Variants in DTNA observed in about 807,000 individuals in gnomAD.
DTNA encodes dystrophin-related protein 3.
In DTNA, 43 loss-of-function variants were observed where a neutral mutation model predicts 100.7. The observed-to-expected ratio is 0.43, with a 90% CI of 0.33 to 0.55. The LOEUF is 0.55. Ranked by LOEUF, DTNA falls within the 20% of genes least tolerant of loss-of-function variation. The pLI, the probability that DTNA is intolerant of heterozygous loss-of-function variation, is 0.04. For missense variants in DTNA, 798 were observed against 953.9 expected (o/e 0.84, Z 2.15); for synonymous variants, 349 against 347.9 (o/e 1.00, Z -0.04).
At chr18:34,693,123 A>G (rs2145909951) in intron 1 of DTNA, among the ~76,000 whole-genome samples, 1 of 152,354 alleles carries the variant, frequency 6.6e-6, no homozygotes, top group East Asian at 1.9e-4. Flanking sequence ...GTGAAAAATC[A>G]TAAGATGCAT....
chr18:34,797,312 A>G (rs1227345606), intron 4 of DTNA, among the ~76,000 whole-genome samples: 1 of 152,134 alleles, frequency 6.6e-6, no homozygotes, highest in Non-Finnish European at 1.5e-5. Context: ...AGTGGAATGG[A>G]TGAGTGTGCC....
At chr18:34,553,072 A>G (rs2045625187) in intron 1 of DTNA, among the ~76,000 whole-genome samples, 1 of 150,502 alleles carries the variant, frequency 6.6e-6, no homozygotes, top group Non-Finnish European at 1.5e-5. Context: ...TTGCCATTCT[A>G]ACTGGTGTGA....
intron 1 of DTNA, among the ~76,000 whole-genome samples, chr18:34,667,742 G>C (rs1009442117): frequency 6.6e-6 from 1 of 152,188 alleles, no homozygotes; most frequent in Non-Finnish European, 1.5e-5. Context: ...ATTTGCGTAT[G>C]TTGAACCAGC....
chr18:34,818,439 C>A, intron 8 of DTNA, 109 bp downstream of exon 8: 1 of 1,545,948 alleles, frequency 6.5e-7, no homozygotes, highest in Non-Finnish European at 8.7e-7. Context: ...TACCTTCCAT[C>A]CCAGGTCTAG....
chr18:34,684,685 AT>A (rs1600160043), intron 1 of DTNA, among the ~76,000 whole-genome samples: 1 of 152,120 alleles, frequency 6.6e-6, no homozygotes, highest in Non-Finnish European at 1.5e-5. Context: ...GCTAGGTCAA[AT>A]GGTATTTCTG....
chr18:34,674,332 G>A (rs1326587994), intron 1 of DTNA, among the ~76,000 whole-genome samples: 1 of 152,200 alleles, frequency 6.6e-6, no homozygotes, highest in Non-Finnish European at 1.5e-5. Flanking sequence ...TTAATAGGAA[G>A]TAAAGACATC....
chr18:34,592,496 A>G (rs1372968907), intron 1 of DTNA, among the ~76,000 whole-genome samples: 4 of 151,370 alleles, frequency 2.6e-5, no homozygotes, highest in Non-Finnish European at 4.4e-5. Flanking sequence ...ACACACACAC[A>G]CACACACACA....
At chr18:34,793,929 T>G in intron 3 of DTNA, 108 bp from the exon 4 acceptor site, 1 of 1,139,096 alleles carries the variant, frequency 8.8e-7, no homozygotes, top group South Asian at 1.3e-5. Context: ...CTGCAACAGC[T>G]GCACACATGT....
At chr18:34,878,840 T>C (rs1489446800) in intron 19 of DTNA, among the ~76,000 whole-genome samples, 1 of 152,192 alleles carries the variant, frequency 6.6e-6, no homozygotes, top group Non-Finnish European at 1.5e-5. Context: ...ACCAAGAGAT[T>C]TGTCTGGCAA....
chr18:34,826,302 A>C, intron 9 of DTNA, among the ~76,000 whole-genome samples: 1 of 152,040 alleles, frequency 6.6e-6, no homozygotes, highest in Non-Finnish European at 1.5e-5. Flanking sequence ...TTTAGTGGTG[A>C]TTTGTGAGAT....
intron 1 of DTNA, among the ~76,000 whole-genome samples, chr18:34,692,326 A>T (rs1387573063): frequency 6.6e-6 from 1 of 152,352 alleles, no homozygotes; most frequent in African/African-American, 2.4e-5. Flanking sequence ...ACGTTCCATG[A>T]ACATTATCTT....
chr18:34,508,804 TG>T (rs2040749719), intron 1 of DTNA, among the ~76,000 whole-genome samples: 1 of 152,320 alleles, frequency 6.6e-6, no homozygotes, highest in Non-Finnish European at 1.5e-5. Context: ...CACATTTTAC[TG>T]TGTATAATTT....
chr18:34,820,441 C>A (rs1326543874), intron 8 of DTNA, among the ~76,000 whole-genome samples: 1 of 152,186 alleles, frequency 6.6e-6, no homozygotes, highest in Non-Finnish European at 1.5e-5. Context: ...CTCCTGCTTT[C>A]CTCCCCAGAA....
At chr18:34,718,922 G>A (rs1454726515) in intron 1 of DTNA, among the ~76,000 whole-genome samples, 1 of 152,190 alleles carries the variant, frequency 6.6e-6, no homozygotes, top group East Asian at 1.9e-4. Context: ...TAAGAAAATA[G>A]AAGACTTTCT....
At chr18:34,708,572 C>T (rs1024598948), upstream of DTNA, among the ~76,000 whole-genome samples, 1 of 152,152 alleles carries the variant, frequency 6.6e-6, no homozygotes, top group Non-Finnish European at 1.5e-5. Context: ...ATCAGTTGCT[C>T]CTAGCTGGTT....
intron 21 of DTNA, 31 bp downstream of exon 21, chr18:34,882,232 C>A: frequency 6.2e-7 from 1 of 1,612,142 alleles, no homozygotes; most frequent in Non-Finnish European, 8.5e-7. Context: ...CCCACCCCAC[C>A]TCTTCTGCCT....
rs73412430 is a variant in DTNA, at chr18:34,621,958, T to C, written c.-2+128444T>C. On this transcript the variant is annotated intron_variant, in intron 1 of 19. Coordinates refer to the DTNA transcript ENST00000283365. ...TATTTGTCAAATAATAAAGACAAAG[T>C]TGAACTCATAGAAGCAGAGAGTAGG... 6.1e-3 allele frequency among the ~76,000 whole-genome samples: 924 copies of C among 152,176 alleles called. 13 individuals are homozygous for C. Among genetic ancestry groups the C allele is most frequent in the African/African-American group, 0.021 (877 of 41,526 alleles).
At position 34,496,401 on chromosome 18, in the gene DTNA, A is replaced by C. The variant is rs2039231338; in HGVS notation, c.-2+2887A>C. Among the ~76,000 whole-genome samples, 6 of 152,196 alleles carry C rather than the reference A, an allele frequency of 3.9e-5. No homozygotes were observed. The South Asian group carries it at 1.2e-3, about 32-fold the overall frequency. ...TAGTGTTGATTGTTATCAAGACATA[A>C]ATCCTGTGATACATACATATATCCT... On this transcript the variant is annotated intron_variant, in intron 1 of 19. Coordinates refer to the DTNA transcript ENST00000283365.
At chr18:34,690,495 T>C (rs572427373) in intron 1 of DTNA, among the ~76,000 whole-genome samples, 2 of 152,292 alleles carry the variant, frequency 1.3e-5, no homozygotes, top group African/African-American at 4.8e-5. Flanking sequence ...TGAGATGAAC[T>C]GGGTACCTCA....
Sources: allele counts gnomAD v4.1 joint callset (sites outside exome capture counted in the v4.1 genomes callset), GRCh38; gene constraint gnomAD v4.1.1; transcripts MANE v1.5; gene names NCBI Gene and HGNC (gene_info 2026-07-23, HGNC 2026-07-21).